The following DCC variants were observed in gnomAD, a reference collection of about 807,000 sequenced individuals.
The protein encoded by DCC is DCC netrin 1 receptor, also known as netrin receptor DCC.
In DCC, 58 loss-of-function variants were observed where a neutral mutation model predicts 172.5. That is an observed-to-expected ratio of 0.34 (90% confidence interval 0.27 to 0.42). DCC has a LOEUF of 0.42. Ranked by LOEUF, DCC falls within the 10% of genes least tolerant of loss-of-function variation. The pLI is 1.00. For synonymous variants in DCC, 709 were observed against 644.5 expected (o/e 1.10, Z -1.52); for missense variants, 1,740 against 1,791.0 (o/e 0.97, Z 0.51).
chr18:52,687,092 C>A (rs954635036), intron 1 of DCC, among the ~76,000 whole-genome samples: 1 of 152,050 alleles, frequency 6.6e-6, no homozygotes, highest in African/African-American at 2.4e-5. Flanking sequence ...CATCTCCTGA[C>A]CCTCCCCCAT....
At chr18:52,836,017 A>T (rs1437185497) in intron 2 of DCC, among the ~76,000 whole-genome samples, 2 of 152,200 alleles carry the variant, frequency 1.3e-5, no homozygotes, top group African/African-American at 4.8e-5. Flanking sequence ...CAATTATGGC[A>T]GAATGGGAAG....
At chr18:52,875,029 CT>C (rs1639859271) in intron 2 of DCC, among the ~76,000 whole-genome samples, 1 of 151,994 alleles carries the variant, frequency 6.6e-6, no homozygotes, top group Non-Finnish European at 1.5e-5. Flanking sequence ...GGAATATTGC[CT>C]TCTGGGGTGT....
intron 1 of DCC, among the ~76,000 whole-genome samples, chr18:52,341,901 G>T (rs997067562): frequency 3.9e-5 from 6 of 152,108 alleles, no homozygotes; most frequent in Non-Finnish European, 7.3e-5. Flanking sequence ...CTTCGGAAAC[G>T]ACCTTTTTCC....
At chr18:52,642,201 T>G (rs1297239956) in intron 1 of DCC, among the ~76,000 whole-genome samples, 1 of 151,814 alleles carries the variant, frequency 6.6e-6, no homozygotes, top group Non-Finnish European at 1.5e-5. Context: ...GACTATTATT[T>G]TAAGTGAAGT....
intron 25 of DCC, among the ~76,000 whole-genome samples, chr18:53,471,086 C>A (rs2045690327): frequency 6.6e-6 from 1 of 152,192 alleles, no homozygotes; most frequent in South Asian, 2.1e-4. Context: ...CTACCATCAT[C>A]TCTTACAGAT....
At chr18:52,710,541 A>T (rs2036277198) in intron 1 of DCC, among the ~76,000 whole-genome samples, 1 of 152,220 alleles carries the variant, frequency 6.6e-6, no homozygotes, top group South Asian at 2.1e-4. Flanking sequence ...TGTGCATGTG[A>T]CATCCACCAA....
chr18:52,985,861 A>G (rs1049439353), intron 5 of DCC, among the ~76,000 whole-genome samples: 1 of 152,064 alleles, frequency 6.6e-6, no homozygotes, highest in Admixed American at 6.5e-5. Flanking sequence ...TTCTTCTTGG[A>G]CTTCTCCCTA....
intron 5 of DCC, among the ~76,000 whole-genome samples, chr18:53,029,571 T>G (rs767948405): frequency 7.9e-5 from 12 of 151,838 alleles, no homozygotes; most frequent in Non-Finnish European, 1.2e-4. Context: ...ATATTCCAGT[T>G]GCTGTCACTA....
At chr18:52,751,872 C>A (rs1037198344) in intron 1 of DCC, among the ~76,000 whole-genome samples, 182 bp from the exon 2 acceptor site, 6 of 151,708 alleles carry the variant, frequency 4.0e-5, no homozygotes, top group Non-Finnish European at 7.4e-5. Flanking sequence ...ATTATGATTA[C>A]CTCGACTGGG....
chr18:53,193,401 T>C (rs2055394962), intron 9 of DCC, among the ~76,000 whole-genome samples: 2 of 152,204 alleles, frequency 1.3e-5, no homozygotes, highest in Non-Finnish European at 2.9e-5. Context: ...TTAACATTCA[T>C]TGAGCATTTC....
intron 3 of DCC, among the ~76,000 whole-genome samples, chr18:52,910,334 C>T (rs2039954156): frequency 6.6e-6 from 1 of 152,024 alleles, no homozygotes; most frequent in Admixed American, 6.6e-5. Context: ...GATATTTTCC[C>T]ATAAAGTTTT....
rs144735299 is a variant in DCC at position 53,141,639 on chromosome 18, A to G, written c.1262-15717A>G. 2.6e-5 allele frequency among the ~76,000 whole-genome samples: 4 copies of G among 152,298 alleles called. No homozygotes were observed. The East Asian group carries it at 7.7e-4, about 29-fold the overall frequency. The stretch of plus-strand genomic sequence containing the variant: ...TATTTCAGCTGACTGGATTTTGTGG[A>G]TTCTTTCAATGACACATTCCTTTCA... On this transcript the variant is annotated intron_variant, in intron 7 of 28. Transcript: ENST00000442544.
intron 1 of DCC, among the ~76,000 whole-genome samples, chr18:52,704,830 AC>A (rs141934127): frequency 0.045 from 6,845 of 152,020 alleles, 219 homozygotes; most frequent in South Asian, 0.14. Context: ...GGTGGAGGAG[AC>A]TTTTGAGGAT....
At chr18:52,409,134 A>G (rs1039136085) in intron 1 of DCC, 3 of 152,152 alleles carry the variant, frequency 2.0e-5, no homozygotes, top group African/African-American at 7.2e-5. Flanking sequence ...TTACAACAGC[A>G]GTTCGTACAT....
intron 7 of DCC, among the ~76,000 whole-genome samples, chr18:53,090,073 T>G (rs1284573797): frequency 1.3e-5 from 2 of 152,198 alleles, no homozygotes; most frequent in Non-Finnish European, 2.9e-5. Flanking sequence ...TTCTGACACA[T>G]ACATGTGTGT....
rs1057307626 is a variant in DCC at position 53,335,320 on chromosome 18, G to A, written c.2165-4393G>A. ...TAGCACTTATCAAGATCTCACGATT[G>A]TCTTATTTGTTTATTAGGACTTATG... is the stretch of plus-strand genomic sequence containing the variant. On this transcript the variant is annotated intron_variant, in intron 14 of 28. Transcript: ENST00000442544. 2.6e-5 allele frequency among the ~76,000 whole-genome samples: 4 copies of A among 152,108 alleles called. No homozygotes were observed. In the South Asian group the frequency reaches 8.3e-4, roughly 31 times the overall value.
chr18:52,402,734 T>C (rs2144379577), intron 1 of DCC, among the ~76,000 whole-genome samples: 2 of 152,210 alleles, frequency 1.3e-5, no homozygotes, highest in Admixed American at 1.3e-4. Context: ...AGTGTCATCA[T>C]TAATTAGTTA....
chr18:52,783,990 G>C lies in DCC; in HGVS notation c.412+31616G>C, dbSNP rs12959987. 7.2e-3 allele frequency among the ~76,000 whole-genome samples: 1,099 copies of C among 152,044 alleles called. 5 individuals are homozygous for C. Among genetic ancestry groups the C allele is most frequent in the Non-Finnish European group, 0.012 (804 of 67,940 alleles). On this transcript the variant is annotated intron_variant, in intron 2 of 28. Transcript: ENST00000442544. ...ACTTTAATGTAGTCTCATGCATTTT[G>C]AAATATACAATAAATTACATGTTTA...
At position 53,219,252 on chromosome 18, in the gene DCC, G is replaced by C. The variant is rs969166800; in HGVS notation, c.1911+3655G>C. Among the ~76,000 whole-genome samples the C allele has an allele frequency of 2.0e-5, 3 of 152,108 alleles. No homozygotes were observed. The South Asian group carries it at 6.2e-4, about 32-fold the overall frequency. The stretch of plus-strand genomic sequence containing the variant: ...TATTTTCTCATTTTAAAATGAGAGA[G>C]CTGGATAGAGAATCTCTAAAATCTC... On this transcript the variant is annotated intron_variant, in intron 12 of 28. Coordinates refer to ENST00000442544, the MANE Select transcript of DCC (RefSeq NM_005215.4).
Sources: allele counts gnomAD v4.1 joint callset (sites outside exome capture counted in the v4.1 genomes callset), GRCh38; gene constraint gnomAD v4.1.1; transcripts MANE v1.5; gene names NCBI Gene and HGNC (gene_info 2026-07-23, HGNC 2026-07-21).